Variants in BMERB1 observed in about 807,000 individuals in gnomAD.
BMERB1 encodes bMERB domain-containing protein 1.
In BMERB1, 12 loss-of-function variants were observed where a neutral mutation model predicts 23.6. The observed-to-expected ratio is 0.51, with a 90% confidence interval of 0.33 to 0.82. BMERB1 has a LOEUF of 0.82. BMERB1 is among the 40% of genes least tolerant of loss of function. The pLI is 0.03. For missense variants in BMERB1, 247 were observed against 255.4 expected (o/e 0.97, Z 0.22); for synonymous variants, 122 against 96.6 (o/e 1.26, Z -1.54).
At chr16:15,559,349 G>A (rs1215969423) in intron 2 of BMERB1, among the ~76,000 whole-genome samples, 1 of 152,182 alleles carries the variant, frequency 6.6e-6, no homozygotes, top group African/African-American at 2.4e-5. Flanking sequence ...CTGGGAGAAA[G>A]CGGGAGGGGA....
At chr16:15,524,235 A>T (rs1239574229) in intron 2 of BMERB1, among the ~76,000 whole-genome samples, 1 of 152,160 alleles carries the variant, frequency 6.6e-6, no homozygotes, top group African/African-American at 2.4e-5. Flanking sequence ...TACATATCGG[A>T]TGGGAAGAGA....
At chr16:15,504,249 C>T (rs1165541782) in intron 1 of BMERB1, among the ~76,000 whole-genome samples, 1 of 152,078 alleles carries the variant, frequency 6.6e-6, no homozygotes, top group Non-Finnish European at 1.5e-5. Context: ...CACACGCCAA[C>T]CCCTTTTCTT....
intron 1 of BMERB1, among the ~76,000 whole-genome samples, chr16:15,442,565 G>A (rs1322678369): frequency 6.6e-6 from 1 of 151,984 alleles, no homozygotes; most frequent in African/African-American, 2.4e-5. Context: ...TGTGTTAATT[G>A]AAGAAAAAAT....
At chr16:15,444,068 C>G (rs55951430) in intron 1 of BMERB1, among the ~76,000 whole-genome samples, 1 of 144,108 alleles carries the variant, frequency 6.9e-6, no homozygotes, top group African/African-American at 2.6e-5. Context: ...GGTAAGCTGT[C>G]TGCCCCAGGC....
chr16:15,471,894 G>A (rs776527594), intron 1 of BMERB1, among the ~76,000 whole-genome samples: 25 of 152,210 alleles, frequency 1.6e-4, no homozygotes, highest in Non-Finnish European at 2.9e-4. Context: ...CTTCATATAA[G>A]CATTTAGTGC....
At chr16:15,493,534 C>T (rs951672778) in intron 1 of BMERB1, among the ~76,000 whole-genome samples, 2 of 152,162 alleles carry the variant, frequency 1.3e-5, no homozygotes, top group African/African-American at 4.8e-5. Context: ...AGAGCCACAT[C>T]TCCCTTCTGG....
At chr16:15,466,527 A>G (rs149815068) in intron 1 of BMERB1, among the ~76,000 whole-genome samples, 1 of 152,234 alleles carries the variant, frequency 6.6e-6, no homozygotes, top group African/African-American at 2.4e-5. Flanking sequence ...CTTTTAAAAA[A>G]AGACTTTTTA....
At chr16:15,543,114 G>T (rs1180167615) in intron 2 of BMERB1, among the ~76,000 whole-genome samples, 1 of 152,184 alleles carries the variant, frequency 6.6e-6, no homozygotes, top group Admixed American at 6.5e-5. Flanking sequence ...GTGGCTCTCA[G>T]TGGAAGGGGA....
chr16:15,504,551 C>A (rs977277834), intron 1 of BMERB1, among the ~76,000 whole-genome samples: 1 of 151,778 alleles, frequency 6.6e-6, no homozygotes, highest in East Asian at 1.9e-4. Context: ...TGGACCCAAG[C>A]GATCCTCCCA....
In BMERB1 at chr16:15,521,972, C is replaced by T; in HGVS notation, c.230+6544C>T. Among the ~76,000 whole-genome samples the T allele has an allele frequency of 1.3e-5, 2 of 152,194 alleles. 1 individual carries two copies. ...TCATTTTCTCGCCTTCCTTCCAGCA[C>T]TGAATCACATCATTAGTTTTTAATA... is the stretch of plus-strand genomic sequence containing the variant. On this transcript the variant is annotated intron_variant, in intron 2 of 5. Coordinates refer to ENST00000300006, the MANE Select transcript of BMERB1 (RefSeq NM_033201.3).
chr16:15,540,840 C>T (rs926999519), intron 2 of BMERB1, among the ~76,000 whole-genome samples: 1 of 152,198 alleles, frequency 6.6e-6, no homozygotes, highest in African/African-American at 2.4e-5. Context: ...TGTTTTCTGA[C>T]GCCACTTCTG....
rs1045471457 is a variant in BMERB1 at position 15,554,866 on chromosome 16, C to G, written c.231-13117C>G. Among the ~76,000 whole-genome samples the G allele has an allele frequency of 3.3e-5, 5 of 152,080 alleles. No homozygotes were observed. The South Asian group carries it at 1.0e-3, about 32-fold the overall frequency. ...TATTTTCAGTAGAGACAGGGTTTCACCGTGTTAGCCAGGATGGTCTCGATC... is the reference window on the plus strand; with the variant it reads ...TATTTTCAGTAGAGACAGGGTTTCAGCGTGTTAGCCAGGATGGTCTCGATC... On this transcript the variant is annotated intron_variant, in intron 2 of 5. Transcript: ENST00000300006.
At chr16:15,506,352 T>A (rs924010720) in intron 1 of BMERB1, among the ~76,000 whole-genome samples, 3 of 151,986 alleles carry the variant, frequency 2.0e-5, no homozygotes, top group Non-Finnish European at 4.4e-5. Flanking sequence ...ATTTTTTGTA[T>A]TTTTAGTAGA....
At chr16:15,488,438 G>A (rs1174047772) in intron 1 of BMERB1, among the ~76,000 whole-genome samples, 1 of 152,074 alleles carries the variant, frequency 6.6e-6, no homozygotes, top group Non-Finnish European at 1.5e-5. Context: ...CAGCAGGCAG[G>A]GGAGGTACAA....
At chr16:15,575,790 A>G (rs974240585) in intron 3 of BMERB1, among the ~76,000 whole-genome samples, 23 of 152,028 alleles carry the variant, frequency 1.5e-4, no homozygotes, top group African/African-American at 5.6e-4. Flanking sequence ...GTGGCCCACA[A>G]TTAGTCTGAT....
chr16:15,504,794 A>C (rs192947082), intron 1 of BMERB1, among the ~76,000 whole-genome samples: 1 of 151,930 alleles, frequency 6.6e-6, no homozygotes, highest in Non-Finnish European at 1.5e-5. Context: ...AAAAAAGTAT[A>C]TTTAAAAACC....
intron 1 of BMERB1, among the ~76,000 whole-genome samples, chr16:15,511,010 T>C (rs1190757065): frequency 6.6e-6 from 1 of 151,940 alleles, no homozygotes; most frequent in Non-Finnish European, 1.5e-5. Flanking sequence ...CCAATATTAA[T>C]ATTTCGATCC....
intron 2 of BMERB1, among the ~76,000 whole-genome samples, chr16:15,529,265 A>C (rs1178808347): frequency 6.6e-6 from 1 of 152,094 alleles, no homozygotes; most frequent in Non-Finnish European, 1.5e-5. Context: ...TGACCTCGTG[A>C]TCCGCCTGCC....
chr16:15,519,778 C>T (rs2051826976), intron 2 of BMERB1, among the ~76,000 whole-genome samples: 1 of 152,128 alleles, frequency 6.6e-6, no homozygotes, highest in Non-Finnish European at 1.5e-5. Flanking sequence ...CATGGGCTTC[C>T]TTTTTCTCAG....
Sources: gnomAD v4.1 joint callset for allele counts (sites outside exome capture counted in the v4.1 genomes callset) on GRCh38, gnomAD v4.1.1 for gene constraint, MANE v1.5 for transcripts, NCBI Gene and HGNC (gene_info 2026-07-23, HGNC 2026-07-21) for gene names.